Variants in LRFN5 observed in about 807,000 individuals in gnomAD.
The protein encoded by LRFN5 is leucine-rich repeat and fibronectin type-III domain-containing protein 5.
A neutral mutation model predicts 45.6 loss-of-function variants in LRFN5; 24 were observed. That is an observed-to-expected ratio of 0.53 (90% CI 0.38 to 0.74). The LOEUF (loss-of-function observed/expected upper bound fraction) is 0.74, where lower values mean the gene tolerates loss of function less well. Ranked by LOEUF, LRFN5 falls within the 30% of genes least tolerant of loss-of-function variation. The pLI, the probability that LRFN5 is intolerant of heterozygous loss-of-function variation, is 0.00. For synonymous variants in LRFN5, 340 were observed against 313.8 expected, an observed-to-expected ratio of 1.08 and a Z score of -0.88; for missense variants, 776 against 861.5, an observed-to-expected ratio of 0.90 and a Z score of 1.24.
intron 1 of LRFN5, among the ~76,000 whole-genome samples, chr14:41,636,310 C>A (rs1276637662): frequency 6.6e-6 from 1 of 151,978 alleles, no homozygotes; most frequent in Non-Finnish European, 1.5e-5. Flanking sequence ...CAGTTTACTT[C>A]CATTAGAATT....
chr14:41,682,200 C>T lies in LRFN5; in HGVS notation c.-197+73638C>T, dbSNP rs577771913. Among the ~76,000 whole-genome samples, 13 of 151,902 alleles carry T rather than the reference C, an allele frequency of 8.6e-5. No individual in the cohort carries two copies. In the East Asian group the frequency reaches 2.1e-3, roughly 25 times the overall value. ...CAAGGAGGTTGCAGTGAGTTAAGAT[C>T]GTGGCACTACACTCCAGTCTGGGCA... On this transcript the variant is annotated intron_variant, in intron 1 of 5. Coordinates refer to ENST00000298119, the MANE Select transcript of LRFN5 (RefSeq NM_152447.5).
intron 2 of LRFN5, among the ~76,000 whole-genome samples, chr14:41,836,973 G>A (rs895374381): frequency 6.6e-6 from 1 of 152,030 alleles, no homozygotes; most frequent in Non-Finnish European, 1.5e-5. Context: ...AAATTTCTTT[G>A]AGCCTAGTGG....
intron 1 of LRFN5, among the ~76,000 whole-genome samples, chr14:41,615,942 A>G (rs1368439551): frequency 6.6e-6 from 1 of 152,100 alleles, no homozygotes; most frequent in Non-Finnish European, 1.5e-5. Context: ...TGAATTACAA[A>G]CAATCAAATT....
intron 2 of LRFN5, among the ~76,000 whole-genome samples, chr14:41,842,576 A>G (rs1594457189): frequency 1.3e-5 from 2 of 152,220 alleles, no homozygotes; most frequent in Middle Eastern, 6.8e-3. Context: ...GCTTATATGG[A>G]TTATAAGCAT....
intron 2 of LRFN5, among the ~76,000 whole-genome samples, chr14:41,852,996 A>G (rs913033124): frequency 2.6e-5 from 4 of 152,022 alleles, no homozygotes; most frequent in Non-Finnish European, 5.9e-5. Context: ...ACATTAATGT[A>G]TCTCTTATCT....
At chr14:41,877,455 C>T (rs1890223798) in intron 2 of LRFN5, among the ~76,000 whole-genome samples, 1 of 151,992 alleles carries the variant, frequency 6.6e-6, no homozygotes, top group African/African-American at 2.4e-5. Flanking sequence ...ATTTTGTTTC[C>T]TCATCTATAA....
intron 1 of LRFN5, among the ~76,000 whole-genome samples, chr14:41,676,876 C>G (rs1039795287): frequency 3.3e-5 from 5 of 152,182 alleles, no homozygotes; most frequent in Admixed American, 2.0e-4. Flanking sequence ...CATTCTCAAG[C>G]TGTACCTTCT....
At chr14:41,710,470 G>A (rs1278050234) in intron 1 of LRFN5, among the ~76,000 whole-genome samples, 4 of 147,806 alleles carry the variant, frequency 2.7e-5, no homozygotes, top group Non-Finnish European at 4.5e-5. Context: ...TGTTAATGTA[G>A]GTGTGTTTTT....
chr14:41,671,617 G>GTTTTTTTGTTT (rs1881225488), intron 1 of LRFN5, among the ~76,000 whole-genome samples: 3 of 78,020 alleles, frequency 3.8e-5, no homozygotes, highest in African/African-American at 1.6e-4. Context: ...TTTTTTTTTC[G>GTTTTTTTGTTT]TTTTTTTTTT....
At chr14:41,674,368 G>A (rs536535797) in intron 1 of LRFN5, among the ~76,000 whole-genome samples, 1,411 of 137,436 alleles carry the variant, frequency 0.01, 41 homozygotes, top group African/African-American at 0.037. Flanking sequence ...GCGGCTGGCC[G>A]GGCGGGGGGC....
At chr14:41,658,521 C>G (rs896672672) in intron 1 of LRFN5, among the ~76,000 whole-genome samples, 19 of 151,886 alleles carry the variant, frequency 1.3e-4, no homozygotes, top group African/African-American at 4.6e-4. Context: ...TTCTTTCCAT[C>G]TGTAGCATAT....
Position 41,877,536 on chromosome 14 carries a change from T to C in LRFN5, c.-20-9070T>C, listed in dbSNP as rs150369107. 6.9e-3 allele frequency among the ~76,000 whole-genome samples: 1,044 copies of C among 152,104 alleles called. 18 individuals carry two copies. Among genetic ancestry groups the C allele is most frequent in the African/African-American group, 0.024 (1,011 of 41,418 alleles). On this transcript the variant is annotated intron_variant, in intron 2 of 5. Coordinates refer to ENST00000298119, the MANE Select transcript of LRFN5 (RefSeq NM_152447.5). ...ATGATAATTATTATTTTTAAAATTA[T>C]TTGTTTTGTGTAAGTAATTGGTGTC...
intron 1 of LRFN5, among the ~76,000 whole-genome samples, chr14:41,624,334 T>A (rs1182126079): frequency 6.6e-6 from 1 of 152,126 alleles, no homozygotes; most frequent in African/African-American, 2.4e-5. Context: ...ACTATTTAAT[T>A]AAAATCAACA....
At chr14:41,671,310 T>G (rs2138659498) in intron 1 of LRFN5, among the ~76,000 whole-genome samples, 1 of 152,254 alleles carries the variant, frequency 6.6e-6, no homozygotes, top group East Asian at 1.9e-4. Context: ...ATAATTATCT[T>G]TAATCTAAAA....
rs544231062 is a variant in LRFN5, at chr14:41,623,260, G to A, written c.-197+14698G>A. 9.2e-5 allele frequency among the ~76,000 whole-genome samples: 14 copies of A among 152,168 alleles called. No homozygotes were observed. The South Asian group carries it at 2.9e-3, about 32-fold the overall frequency. ...ACAGTTAGACTTTGTGTCCCCACCCGAATCTCATCTTGATTTGAAGTCCCA... is the reference window on the plus strand; with the variant it reads ...ACAGTTAGACTTTGTGTCCCCACCCAAATCTCATCTTGATTTGAAGTCCCA... On this transcript the variant is annotated intron_variant, in intron 1 of 5. Transcript: ENST00000298119.
intron 2 of LRFN5, among the ~76,000 whole-genome samples, chr14:41,851,389 G>A (rs894554734): frequency 4.0e-5 from 6 of 151,800 alleles, no homozygotes; most frequent in African/African-American, 1.2e-4. Context: ...TGATTTCAAA[G>A]CTAATTCTCA....
intron 2 of LRFN5, among the ~76,000 whole-genome samples, chr14:41,830,570 T>G (rs2139032316): frequency 6.6e-6 from 1 of 152,164 alleles, no homozygotes; most frequent in Middle Eastern, 3.4e-3. Context: ...CTACTATAAA[T>G]TTTGAAGAAT....
chr14:41,872,194 C>T (rs1236879076), intron 2 of LRFN5, among the ~76,000 whole-genome samples: 2 of 152,136 alleles, frequency 1.3e-5, no homozygotes, highest in Non-Finnish European at 2.9e-5. Context: ...CTATACCTGT[C>T]AAAAACTTCT....
At chr14:41,715,760 G>A (rs896130692) in intron 1 of LRFN5, among the ~76,000 whole-genome samples, 7 of 152,112 alleles carry the variant, frequency 4.6e-5, no homozygotes, top group African/African-American at 7.2e-5. Context: ...GCAAGCTGTC[G>A]TTGGATCTAT....
Sources: gnomAD v4.1 joint callset for allele counts (sites outside exome capture counted in the v4.1 genomes callset) on GRCh38, gnomAD v4.1.1 for gene constraint, MANE v1.5 for transcripts, NCBI Gene and HGNC (gene_info 2026-07-23, HGNC 2026-07-21) for gene names.